ZNF260: variants seen among roughly 807,000 people sequenced by gnomAD.
The protein encoded by ZNF260 is zfp-260.
A neutral mutation model predicts 29.3 loss-of-function variants in ZNF260; 21 were observed. The observed-to-expected ratio is 0.72, with a 90% CI of 0.51 to 1.03. ZNF260 has a LOEUF of 1.03. Ranked by LOEUF, ZNF260 falls within the 50% of genes least tolerant of loss-of-function variation. The pLI is 0.00. For synonymous variants in ZNF260, 156 were observed against 156.8 expected, an observed-to-expected ratio of 0.99 and a Z score of 0.04; for missense variants, 465 against 487.8, an observed-to-expected ratio of 0.95 and a Z score of 0.44.
chr19:36,515,565 T>G lies in ZNF260; in HGVS notation c.-327A>C, dbSNP rs1434762736. On this transcript the variant is annotated 5_prime_UTR_variant, in exon 3 of 3. Coordinates refer to ENST00000523638, the MANE Select transcript of ZNF260 (RefSeq NM_001166037.2). ...TACACAGAAGGGTAGTCTTGAAGAA[T>G]CAATGACTGTTCAGAGGAAATACTT... 1 of 197,604 alleles carries G rather than the reference T, an allele frequency of 5.1e-6. No homozygotes were observed. The highest frequency in any genetic ancestry group is 1.1e-5 in the Non-Finnish European group (1 of 87,910). The allele number at this position is 197,604 out of a possible 1,614,324, so 12.2% of individuals were successfully genotyped here.
Position 36,515,525 on chromosome 19 carries a change from T to C in ZNF260, c.-287A>G, listed in dbSNP as rs1232753832. 1 of 248,270 alleles carries C rather than the reference T, an allele frequency of 4.0e-6. No homozygotes were observed. Among genetic ancestry groups the C allele is most frequent in the Non-Finnish European group, 8.3e-6 (1 of 120,154 alleles). The allele number at this position is 248,270 out of a possible 1,614,324, so 15.4% of individuals were successfully genotyped here. On this transcript the variant is annotated 5_prime_UTR_variant, in exon 3 of 3. Transcript: ENST00000523638. ...TATATAAATTAGGTTTCAAATTCTTTTAAACTGAGTTCCATACACAGAAGG... is the reference window on the plus strand; with the variant it reads ...TATATAAATTAGGTTTCAAATTCTTCTAAACTGAGTTCCATACACAGAAGG...
In ZNF260 at chr19:36,513,692, A is replaced by C. The variant is rs185351469; in HGVS notation, c.*308T>G. The C allele has an allele frequency of 1.6e-4, 70 of 427,466 alleles. No homozygotes were observed. The East Asian group carries it at 2.2e-3, about 13-fold the overall frequency. 26.5% of individuals were successfully genotyped at this position (427,466 alleles called of 1,614,324 possible). On this transcript the variant is annotated 3_prime_UTR_variant, in exon 3 of 3. Transcript: ENST00000523638. Reference sequence around the variant, plus strand: ...TTAATTTCAAATCCTCATACATCTCATATCTATTTCTTAATGCATCTGTAG... The same window carrying C: ...TTAATTTCAAATCCTCATACATCTCCTATCTATTTCTTAATGCATCTGTAG...
intron 2 of ZNF260, among the ~76,000 whole-genome samples, chr19:36,523,005 C>G (rs537296358): frequency 4.2e-4 from 64 of 152,166 alleles, no homozygotes; most frequent in Non-Finnish European, 8.4e-4. Context: ...GGACCTCTCT[C>G]CTCAACAATC....
chr19:36,520,171 C>T (rs2034619005), intron 2 of ZNF260, among the ~76,000 whole-genome samples: 1 of 144,804 alleles, frequency 6.9e-6, no homozygotes, highest in Non-Finnish European at 1.5e-5. Context: ...TGCACTCCAG[C>T]CTGGGCAACA....
chr19:36,528,223 A>G lies in ZNF260; in HGVS notation c.-685T>C, dbSNP rs1490343725. 1 of 99,356 alleles carries G rather than the reference A, an allele frequency of 1.0e-5. No individual in the cohort carries two copies. Among genetic ancestry groups the G allele is most frequent in the Non-Finnish European group, 2.6e-5 (1 of 39,014 alleles). 6.2% of individuals were successfully genotyped at this position (99,356 alleles called of 1,614,324 possible). On this transcript the variant is annotated 5_prime_UTR_variant, in exon 1 of 3. Coordinates refer to ENST00000523638, the MANE Select transcript of ZNF260 (RefSeq NM_001166037.2). ...CAGGGCCGAAACCCAACTCACCGGC[A>G]GACAAAGACGACCATGGCAAGTCGG...
intron 2 of ZNF260, among the ~76,000 whole-genome samples, chr19:36,522,480 TA>T (rs887074288): frequency 1.1e-4 from 16 of 150,738 alleles, no homozygotes; most frequent in African/African-American, 3.4e-4. Context: ...ATAAATAAAA[TA>T]AAAAAAAACA....
chr19:36,521,893 C>CA (rs1198154803), intron 2 of ZNF260, among the ~76,000 whole-genome samples: 1 of 151,462 alleles, frequency 6.6e-6, no homozygotes, highest in African/African-American at 2.4e-5. Context: ...ACTAAAAATA[C>CA]AAAAAATTAG....
At chr19:36,521,052 G>C (rs1198011128) in intron 2 of ZNF260, among the ~76,000 whole-genome samples, 2 of 149,668 alleles carry the variant, frequency 1.3e-5, no homozygotes, top group Admixed American at 1.3e-4. Context: ...CTGCACTCCA[G>C]CCTGGGAGAC....
intron 1 of ZNF260, among the ~76,000 whole-genome samples, chr19:36,526,152 G>A (rs2034729640): frequency 6.6e-6 from 1 of 152,180 alleles, no homozygotes; most frequent in African/African-American, 2.4e-5. Context: ...AATATAGTAA[G>A]TGTCCTATAA....
intron 2 of ZNF260, among the ~76,000 whole-genome samples, chr19:36,516,771 G>C (rs896439432): frequency 6.6e-6 from 1 of 152,050 alleles, no homozygotes; most frequent in African/African-American, 2.4e-5. Context: ...GTAGAAACGG[G>C]GTTTCACCAC....
At position 36,511,128 on chromosome 19, in the gene ZNF260, G is replaced by A. The variant is rs185086352; in HGVS notation, c.*2872C>T. The A allele has an allele frequency of 6.6e-6, 1 of 152,136 alleles. No homozygotes were observed. The highest frequency in any genetic ancestry group is 1.5e-5 in the Non-Finnish European group (1 of 68,030). The allele number at this position is 152,136 out of a possible 1,614,324, so 9.4% of individuals were successfully genotyped here. On this transcript the variant is annotated 3_prime_UTR_variant, in exon 3 of 3. Transcript: ENST00000523638. The stretch of plus-strand genomic sequence containing the variant: ...TCAAGACCAACCTTCAGAAATGCTA[G>A]TAAGTGCTACAGTAATATTAACATT...
At chr19:36,518,414 C>T (rs937350717) in intron 2 of ZNF260, among the ~76,000 whole-genome samples, 1 of 152,148 alleles carries the variant, frequency 6.6e-6, no homozygotes, top group African/African-American at 2.4e-5. Context: ...TAGGAGATTA[C>T]TATTATCACT....
intron 2 of ZNF260, among the ~76,000 whole-genome samples, chr19:36,522,005 C>T (rs1327287918): frequency 3.3e-5 from 5 of 149,482 alleles, no homozygotes; most frequent in Non-Finnish European, 6.0e-5. Flanking sequence ...GCCGAGATCG[C>T]GCCACTGCAC....
At chr19:36,520,112 A>G (rs1452951945) in intron 2 of ZNF260, among the ~76,000 whole-genome samples, 2 of 150,596 alleles carry the variant, frequency 1.3e-5, no homozygotes, top group East Asian at 3.9e-4. Flanking sequence ...GGCAGGAGAA[A>G]TGCTTGAACC....
At chr19:36,516,216 A>C (rs900904051) in intron 2 of ZNF260, among the ~76,000 whole-genome samples, 1 of 152,190 alleles carries the variant, frequency 6.6e-6, no homozygotes, top group African/African-American at 2.4e-5. Flanking sequence ...TATAAAATAA[A>C]GTTCAAATAC....
In ZNF260 at chr19:36,514,160, T is replaced by C. The variant is rs1225654129; in HGVS notation, c.1079A>G (p.Tyr360Cys). Residue 360 changes from tyrosine (Y) to cysteine (C), a missense_variant, in exon 3 of 3, where the codon TAT (tyrosine) becomes TGT (cysteine). By Grantham distance (194) the Tyr-to-Cys change is radical. Coordinates refer to ENST00000523638, the MANE Select transcript of ZNF260 (RefSeq NM_001166037.2). ...HMRSHTGEKPYGCNECGKAFS... is the reference protein window; with the variant it reads ...HMRSHTGEKPCGCNECGKAFS... The stretch of plus-strand genomic sequence containing the variant: ...GGCTTTCCCACATTCATTACAACCA[T>C]AGGGTTTCTCACCTGTATGGCTTCT... 5.0e-6 allele frequency: 8 copies of C among 1,613,986 alleles called. No homozygotes were observed. The highest frequency in any genetic ancestry group is 6.8e-6 in the Non-Finnish European group (8 of 1,179,994).
chr19:36,521,899 A>G (rs2034652636), intron 2 of ZNF260, among the ~76,000 whole-genome samples: 1 of 151,468 alleles, frequency 6.6e-6, no homozygotes, highest in Non-Finnish European at 1.5e-5. Flanking sequence ...AATACAAAAA[A>G]TTAGCTATGC....
At chr19:36,516,117 C>T (rs2034545898) in intron 2 of ZNF260, among the ~76,000 whole-genome samples, 1 of 152,102 alleles carries the variant, frequency 6.6e-6, no homozygotes, top group South Asian at 2.1e-4. Context: ...GGTGATCCGC[C>T]CACCTCAGCC....
Position 36,514,004 on chromosome 19 carries a change from T to TATTA in ZNF260, c.1234_1235insTAAT (p.His412LeufsTer35), listed in dbSNP as rs774729431. ...CCAAGGCATTCATAGAGAACTTTAA[T>TATTA]GAGTATGAATTCTCTGGTGTCTAAT... On this transcript the variant is annotated frameshift_variant, in exon 3 of 3. Transcript: ENST00000523638. LOFTEE classifies it high-confidence loss of function. The TATTA allele has an allele frequency of 5.0e-5, 81 of 1,608,970 alleles. No individual in the cohort carries two copies. The highest frequency in any genetic ancestry group is 6.7e-5 in the Non-Finnish European group (79 of 1,176,338).
Sources: allele counts gnomAD v4.1 joint callset (sites outside exome capture counted in the v4.1 genomes callset), GRCh38; gene constraint gnomAD v4.1.1; transcripts MANE v1.5; gene names NCBI Gene and HGNC (gene_info 2026-07-23, HGNC 2026-07-21).